SDC2: variants seen among roughly 807,000 people sequenced by gnomAD.
The protein encoded by SDC2 is syndecan 2.
Under a neutral mutation model 22.2 loss-of-function variants are expected in SDC2, and 13 were observed. That is an observed-to-expected ratio of 0.59 (90% CI 0.38 to 0.93). The LOEUF (loss-of-function observed/expected upper bound fraction) is 0.93, where lower values mean the gene tolerates loss of function less well. Among genes scored for constraint, SDC2 ranks in the 40% least tolerant of loss-of-function variants. SDC2 has a pLI of 0.00. For synonymous variants in SDC2, 94 were observed against 92.8 expected (o/e 1.01, Z -0.07); for missense variants, 235 against 246.8 (o/e 0.95, Z 0.32).
At chr8:96,609,341 C>T (rs767527843) in intron 4 of SDC2, 44 bp from the exon 5 acceptor site, 1 of 1,512,900 alleles carries the variant, frequency 6.6e-7, no homozygotes, top group South Asian at 1.3e-5. Context: ...ATGTCTGCAA[C>T]CCTTGAATCT....
intron 3 of SDC2, among the ~76,000 whole-genome samples, chr8:96,603,028 A>G (rs1453877588): frequency 1.3e-5 from 2 of 152,170 alleles, no homozygotes; most frequent in African/African-American, 2.4e-5. Context: ...ACCTGGGTAC[A>G]TCTGTATATA....
chr8:96,517,838 T>C (rs1813431110), intron 1 of SDC2, among the ~76,000 whole-genome samples: 1 of 152,006 alleles, frequency 6.6e-6, no homozygotes, highest in Non-Finnish European at 1.5e-5. Flanking sequence ...AAAATTGTTT[T>C]TCCTGTGGCC....
intron 1 of SDC2, among the ~76,000 whole-genome samples, chr8:96,502,446 G>A (rs2575707): frequency 0.011 from 1,630 of 149,266 alleles, 20 homozygotes; most frequent in African/African-American, 0.037. Flanking sequence ...GAACAGCTGC[G>A]TGGTAAAAAT....
chr8:96,535,991 A>G (rs1440988804), intron 1 of SDC2, among the ~76,000 whole-genome samples: 1 of 152,220 alleles, frequency 6.6e-6, no homozygotes, highest in Non-Finnish European at 1.5e-5. Context: ...GGAAAAACCA[A>G]AAAGAAATGA....
At chr8:96,530,174 T>G (rs1813637794) in intron 1 of SDC2, among the ~76,000 whole-genome samples, 1 of 152,220 alleles carries the variant, frequency 6.6e-6, no homozygotes, top group African/African-American at 2.4e-5. Flanking sequence ...ATTCTCTGAT[T>G]GTGATTGTTT....
intron 1 of SDC2, among the ~76,000 whole-genome samples, chr8:96,534,571 A>G (rs561260885): frequency 6.6e-6 from 1 of 151,956 alleles, no homozygotes; most frequent in African/African-American, 2.4e-5. Flanking sequence ...AGTAGCCAAG[A>G]CTATAGGCGC....
chr8:96,533,283 C>T (rs909970186), intron 1 of SDC2, among the ~76,000 whole-genome samples: 1 of 152,168 alleles, frequency 6.6e-6, no homozygotes, highest in African/African-American at 2.4e-5. Flanking sequence ...CTTTTATTCT[C>T]TTATCTGGCC....
chr8:96,598,583 A>G (rs890750236), intron 2 of SDC2, among the ~76,000 whole-genome samples: 1 of 152,092 alleles, frequency 6.6e-6, no homozygotes, highest in Non-Finnish European at 1.5e-5. Context: ...GCACTATTGC[A>G]CTCCAGTCTG....
intron 1 of SDC2, among the ~76,000 whole-genome samples, chr8:96,522,938 C>T (rs1169399510): frequency 6.6e-6 from 1 of 152,108 alleles, no homozygotes; most frequent in Non-Finnish European, 1.5e-5. Flanking sequence ...AGTGTATTTC[C>T]CACCTGCTGC....
intron 1 of SDC2, among the ~76,000 whole-genome samples, chr8:96,566,886 C>T (rs1408703864): frequency 6.6e-6 from 1 of 152,176 alleles, no homozygotes; most frequent in Non-Finnish European, 1.5e-5. Flanking sequence ...CAGAGTCACA[C>T]TCTGTTGCCC....
intron 3 of SDC2, among the ~76,000 whole-genome samples, chr8:96,604,555 C>T (rs751634010): frequency 3.3e-5 from 5 of 152,000 alleles, no homozygotes; most frequent in Non-Finnish European, 5.9e-5. Flanking sequence ...GTGGTACAGC[C>T]GAATTGAACA....
intron 1 of SDC2, among the ~76,000 whole-genome samples, chr8:96,518,698 C>A: frequency 6.6e-6 from 1 of 152,240 alleles, no homozygotes; most frequent in East Asian, 1.9e-4. Context: ...GCTGAAACTT[C>A]TTGTGAAAAT....
At chr8:96,543,578 G>A (rs993954931) in intron 1 of SDC2, among the ~76,000 whole-genome samples, 2 of 152,122 alleles carry the variant, frequency 1.3e-5, no homozygotes, top group Non-Finnish European at 2.9e-5. Context: ...TTCGGTGAAG[G>A]AGTTGTATCA....
Position 96,583,398 on chromosome 8 carries a change from G to GTA in SDC2, c.61-10081_61-10080insAT, listed in dbSNP as rs1418395164. 4.2e-4 allele frequency among the ~76,000 whole-genome samples: 52 copies of GTA among 123,084 alleles called. 1 individual carries two copies. The highest frequency in any genetic ancestry group is 4.9e-4 in the Admixed American group (6 of 12,354). The allele number at this position is 123,084 out of a possible 152,430, so 80.7% of individuals were successfully genotyped here. ...TATAAAATATATATGACATATGTGT[G>GTA]TGTGTGTGTGTGTGTCTTGTGTTTG... On this transcript the variant is annotated intron_variant, in intron 1 of 4. Coordinates refer to ENST00000302190, the MANE Select transcript of SDC2 (RefSeq NM_002998.4).
intron 1 of SDC2, among the ~76,000 whole-genome samples, chr8:96,539,277 A>G (rs1813807282): frequency 2.0e-5 from 3 of 152,236 alleles, no homozygotes; most frequent in South Asian, 2.1e-4. Context: ...GTTTTCAAAG[A>G]TGAAACCCAT....
At chr8:96,528,842 G>T (rs1212457800) in intron 1 of SDC2, among the ~76,000 whole-genome samples, 1 of 152,156 alleles carries the variant, frequency 6.6e-6, no homozygotes, top group African/African-American at 2.4e-5. Flanking sequence ...CCATAATGAG[G>T]CATCTTATGT....
At chr8:96,565,097 T>TTTTTTTTTTTTTTTTTTTTTTTTTGTTG (rs1329448270) in intron 1 of SDC2, among the ~76,000 whole-genome samples, 3 of 128,626 alleles carry the variant, frequency 2.3e-5, no homozygotes, top group African/African-American at 9.6e-5. Context: ...TTTTTTTTTT[T>TTTTTTTTTTTTTTTTTTTTTTTTTGTTG]TTGTTGAGAT....
At position 96,593,553 on chromosome 8, in the gene SDC2, C is replaced by A. The variant is rs1241047729; in HGVS notation, c.134C>A (p.Pro45His). 4.3e-6 allele frequency: 7 copies of A among 1,613,856 alleles called. No homozygotes were observed. The highest frequency in any genetic ancestry group is 5.9e-6 in the Non-Finnish European group (7 of 1,179,868). The change falls in exon 2 of 5, where the codon CCT becomes CAT. Residue 45 changes from proline (P) to histidine (H), a missense_variant. By Grantham distance (77) the Pro-to-His change is moderately conservative. Transcript: ENST00000302190. Reference protein sequence around the residue: ...SSIEEASGVYPIDDDDYASAS... With the variant: ...SSIEEASGVYHIDDDDYASAS... Reference sequence around the variant, plus strand: ...ATTGAAGAAGCTTCAGGAGTGTATCCTATTGATGACGATGACTACGCTTCT... The same window carrying A: ...ATTGAAGAAGCTTCAGGAGTGTATCATATTGATGACGATGACTACGCTTCT...
At chr8:96,495,071 C>G (rs1357535418) in intron 1 of SDC2, among the ~76,000 whole-genome samples, 1 of 152,150 alleles carries the variant, frequency 6.6e-6, no homozygotes, top group Non-Finnish European at 1.5e-5. Context: ...CACCGCGGGG[C>G]GTCAGGGACG....
Sources: allele counts gnomAD v4.1 joint callset (sites outside exome capture counted in the v4.1 genomes callset), GRCh38; gene constraint gnomAD v4.1.1; transcripts MANE v1.5; gene names NCBI Gene and HGNC (gene_info 2026-07-23, HGNC 2026-07-21).